SYTL4: variants seen among roughly 807,000 people sequenced by gnomAD.
SYTL4 encodes synaptotagmin like 4.
Under a neutral mutation model 52.7 loss-of-function variants are expected in SYTL4, and 16 were observed. That is an observed-to-expected ratio of 0.30 (90% CI 0.21 to 0.46). The LOEUF is 0.46. Ranked by LOEUF, SYTL4 falls within the 20% of genes least tolerant of loss-of-function variation. The pLI, the probability that SYTL4 is intolerant of heterozygous loss-of-function variation, is 1.00. For missense variants in SYTL4, 423 were observed against 519.9 expected (o/e 0.81, Z 1.81); for synonymous variants, 160 against 186.6 (o/e 0.86, Z 1.16).
rs375775420 is a variant in SYTL4, at chrX:100,707,129, A to G, written c.-239-2243T>C. Among the ~76,000 whole-genome samples the G allele has an allele frequency of 1.9e-4, 21 of 111,726 alleles. No individual in the cohort carries two copies. In the South Asian group the frequency reaches 7.9e-3, roughly 42 times the overall value. ...TTTAATAGGAATACAAAAAAAGTCT[A>G]TATCCAACTGGAGAATTACATTATT... is the stretch of plus-strand genomic sequence containing the variant. On this transcript the variant is annotated intron_variant, in intron 2 of 19. Coordinates refer to ENST00000372989, the MANE Select transcript of SYTL4 (RefSeq NM_001370165.1).
chrX:100,695,643 T>TG (rs1198763348), intron 8 of SYTL4, among the ~76,000 whole-genome samples: 1 of 112,249 alleles, frequency 8.9e-6, no homozygotes, highest in Non-Finnish European at 1.9e-5. Flanking sequence ...AACAGATCCT[T>TG]GGTGCTGACA....
intron 13 of SYTL4, chrX:100,688,072 C>A: frequency 8.1e-6 from 2 of 247,921 alleles, no homozygotes; most frequent in Non-Finnish European, 1.4e-5. Context: ...AGCCTGGGTA[C>A]CCCTTTAGAG....
chrX:100,676,778 C>T (rs2083286056), intron 19 of SYTL4, among the ~76,000 whole-genome samples: 1 of 111,785 alleles, frequency 8.9e-6, no homozygotes, highest in South Asian at 3.8e-4. Flanking sequence ...AGCCACCGTG[C>T]CCGGCCAACT....
chrX:100,724,878 A>AAAG (rs2084480497), intron 2 of SYTL4, among the ~76,000 whole-genome samples: 1 of 107,015 alleles, frequency 9.3e-6, no homozygotes, highest in African/African-American at 3.4e-5. Flanking sequence ...TAAAAAGAAA[A>AAAG]AAGAAAAAAA....
chrX:100,720,436 G>A (rs1036496986), intron 2 of SYTL4, among the ~76,000 whole-genome samples: 3 of 112,331 alleles, frequency 2.7e-5, no homozygotes, highest in African/African-American at 9.7e-5. Flanking sequence ...CACCTCCCAC[G>A]CAGAACACTA....
intron 14 of SYTL4, 80 bp downstream of exon 14, chrX:100,686,987 C>T (rs2083485796): frequency 9.4e-7 from 1 of 1,059,510 alleles, no homozygotes; most frequent in African/African-American, 1.9e-5. Flanking sequence ...AACAGATAAG[C>T]TCTGTTCAAG....
chrX:100,707,109 T>TCA (rs1217927644), intron 2 of SYTL4, among the ~76,000 whole-genome samples: 3 of 111,368 alleles, frequency 2.7e-5, no homozygotes, highest in Non-Finnish European at 5.7e-5. Flanking sequence ...CTTGATTTAA[T>TCA]AGGAATACAA....
At position 100,676,182 on chromosome X, in the gene SYTL4, G is replaced by T; in HGVS notation, c.1868-6C>A. 1 of 1,211,081 alleles carries T rather than the reference G, an allele frequency of 8.3e-7. No homozygotes were observed. On this transcript the variant is annotated splice_region_variant and splice_polypyrimidine_tract_variant and intron_variant, in intron 19 of 19. Coordinates refer to ENST00000372989, the MANE Select transcript of SYTL4 (RefSeq NM_001370165.1). ...CACTTCCCCATTACTGATCCCTGAG[G>T]AGAAACACCAGAAGAGGCTAAAGAG...
Position 100,725,076 on chromosome X carries a change from G to A in SYTL4, c.-240+6342C>T, listed in dbSNP as rs2084487682. Among the ~76,000 whole-genome samples, 5 of 111,276 alleles carry A rather than the reference G, an allele frequency of 4.5e-5. No individual in the cohort carries two copies. In the South Asian group the frequency reaches 1.9e-3, roughly 42 times the overall value. Reference sequence around the variant, plus strand: ...CTTAACATTGTTACCTCTGGAGAGTGGGATAAGCAGGAACAGAAGATTTAT... The same window carrying A: ...CTTAACATTGTTACCTCTGGAGAGTAGGATAAGCAGGAACAGAAGATTTAT... On this transcript the variant is annotated intron_variant, in intron 2 of 19. Coordinates refer to ENST00000372989, the MANE Select transcript of SYTL4 (RefSeq NM_001370165.1).
intron 4 of SYTL4, 116 bp from the exon 5 acceptor site, chrX:100,702,223 GAAGT>G: frequency 5.1e-6 from 2 of 393,573 alleles, no homozygotes; most frequent in Non-Finnish European, 8.8e-6. Context: ...AGACAAAGTA[GAAGT>G]ATCTGACCTA....
intron 12 of SYTL4, 136 bp downstream of exon 12, chrX:100,689,720 A>C (rs2083554587): frequency 2.7e-6 from 1 of 376,894 alleles, no homozygotes; most frequent in Non-Finnish European, 4.7e-6. Flanking sequence ...TTTACTTTAG[A>C]AACTTGGGGG....
chrX:100,699,485 T>A (rs1263378372), intron 8 of SYTL4, among the ~76,000 whole-genome samples: 1 of 63,322 alleles, frequency 1.6e-5, no homozygotes, highest in East Asian at 4.3e-4. Context: ...CATTACTCTT[T>A]TTTTTTTTTT....
chrX:100,715,908 A>T (rs772427450), intron 2 of SYTL4, among the ~76,000 whole-genome samples: 1 of 99,257 alleles, frequency 1.0e-5, no homozygotes, highest in African/African-American at 3.7e-5. Flanking sequence ...ACTGCACTCC[A>T]GCCTGGGTGA....
In SYTL4 at chrX:100,709,498, T is replaced by C. The variant is rs142471193; in HGVS notation, c.-239-4612A>G. ...GCCTGGGCGACAGAGTGAGACTCTG[T>C]GTCCATAAAACAAACAAACAAAAAG... On this transcript the variant is annotated intron_variant, in intron 2 of 19. Transcript: ENST00000372989. Among the ~76,000 whole-genome samples the C allele has an allele frequency of 0.018, 1,987 of 111,724 alleles. 93 individuals carry two copies. The East Asian group carries it at 0.25, about 14-fold the overall frequency.
chrX:100,690,290 G>A (rs953628603), intron 10 of SYTL4, 125 bp from the exon 11 acceptor site: 3 of 517,289 alleles, frequency 5.8e-6, no homozygotes, highest in Non-Finnish European at 6.4e-6. Context: ...AAACTTAAAG[G>A]AAAGATTAAA....
At position 100,680,675 on chromosome X, in the gene SYTL4, A is replaced by G. The variant is rs148426191; in HGVS notation, c.1558+552T>C. 7.1e-5 allele frequency among the ~76,000 whole-genome samples: 8 copies of G among 111,974 alleles called. No homozygotes were observed. In the East Asian group the frequency reaches 2.3e-3, roughly 32 times the overall value. ...TCATCCTGCTCCTTTTCTGTCTGGT[A>G]AAGTTTTAAGATCCAGTTTTAATGT... On this transcript the variant is annotated intron_variant, in intron 17 of 19. Coordinates refer to ENST00000372989, the MANE Select transcript of SYTL4 (RefSeq NM_001370165.1).
chrX:100,706,080 C>T (rs769945427), intron 2 of SYTL4, among the ~76,000 whole-genome samples: 4 of 111,617 alleles, frequency 3.6e-5, no homozygotes, highest in African/African-American at 1.3e-4. Flanking sequence ...CCCTCTGCCA[C>T]AACTGCCCAT....
At chrX:100,697,031 AT>A (rs1162957504) in intron 8 of SYTL4, among the ~76,000 whole-genome samples, 1 of 112,198 alleles carries the variant, frequency 8.9e-6, no homozygotes, top group African/African-American at 3.2e-5. Context: ...TCCTTAACTA[AT>A]CCTTTCCAAT....
At chrX:100,698,665 C>G (rs1330278899) in intron 8 of SYTL4, among the ~76,000 whole-genome samples, 1 of 111,762 alleles carries the variant, frequency 8.9e-6, no homozygotes, top group African/African-American at 3.3e-5. Context: ...AGCTGGCAGA[C>G]ATTCTTAACA....
Sources: gnomAD v4.1 joint callset for allele counts (sites outside exome capture counted in the v4.1 genomes callset) on GRCh38, gnomAD v4.1.1 for gene constraint, MANE v1.5 for transcripts, NCBI Gene and HGNC (gene_info 2026-07-23, HGNC 2026-07-21) for gene names.